Variants in USP18 observed in about 807,000 individuals in gnomAD.
The protein encoded by USP18 is ubiquitin specific peptidase 18.
USP18 carries 11 observed loss-of-function variants against 48.7 expected under a neutral mutation model. The ratio of observed to expected loss-of-function variants is 0.23; its 90% CI spans 0.14 to 0.37. The LOEUF (loss-of-function observed/expected upper bound fraction) is 0.37. Among genes scored for constraint, USP18 ranks in the 10% least tolerant of loss-of-function variants. USP18 has a pLI of 1.00. For missense variants in USP18, 285 were observed against 436.4 expected, an observed-to-expected ratio of 0.65 and a Z score of 3.09; for synonymous variants, 114 against 163.2, an observed-to-expected ratio of 0.70 and a Z score of 2.30.
At chr22:18,167,395 C>T (rs1929503029) in intron 5 of USP18, 61 bp downstream of exon 5, 6 of 1,591,722 alleles carry the variant, frequency 3.8e-6, no homozygotes, top group Non-Finnish European at 5.2e-6. Context: ...ACTCATTCAG[C>T]TGTTGTTCCC....
chr22:18,151,394 C>A (rs112146296), intron 1 of USP18, among the ~76,000 whole-genome samples: 148 of 152,258 alleles, frequency 9.7e-4, no homozygotes, highest in African/African-American at 3.5e-3. Context: ...AAAAGCATTT[C>A]ATCTGAAGTT....
At chr22:18,175,928 T>C (rs1158918701) in intron 10 of USP18, among the ~76,000 whole-genome samples, 6 of 148,106 alleles carry the variant, frequency 4.1e-5, no homozygotes, top group Non-Finnish European at 7.4e-5. Flanking sequence ...GAGGCTGTGG[T>C]GAGCTATTAT....
At chr22:18,168,182 G>A (rs570857135) in intron 6 of USP18, 146 bp downstream of exon 6, 18 of 1,367,880 alleles carry the variant, frequency 1.3e-5, no homozygotes, top group South Asian at 1.2e-4. Context: ...CCTGGTGAGG[G>A]CCTGCTTGCT....
chr22:18,173,179 G>A lies in USP18; in HGVS notation c.921G>A (p.Val307=). The part of the protein sequence containing the change: ...QSGGQYELFA[V]IAHVGMADSG... ...GAGGGCAGTATGAGCTTTTTGCTGT[G>A]ATTGCGCACGTGGGAATGGCAGACT... is the stretch of plus-strand genomic sequence containing the variant. The change falls in exon 9 of 11, where the codon GTG becomes GTA. Residue 307 remains valine, a synonymous_variant. Transcript: ENST00000215794. The A allele has an allele frequency of 1.9e-6, 3 of 1,607,840 alleles. No homozygotes were observed. Among genetic ancestry groups the A allele is most frequent in the Non-Finnish European group, 2.5e-6 (3 of 1,177,038 alleles).
intron 1 of USP18, among the ~76,000 whole-genome samples, chr22:18,155,924 T>A (rs1157557356): frequency 6.6e-6 from 1 of 152,250 alleles, no homozygotes; most frequent in Non-Finnish European, 1.5e-5. Flanking sequence ...AGGTGTGGGA[T>A]CCACTGGGTG....
At chr22:18,155,549 G>A (rs1306260264) in intron 1 of USP18, among the ~76,000 whole-genome samples, 3 of 152,224 alleles carry the variant, frequency 2.0e-5, no homozygotes, top group Non-Finnish European at 2.9e-5. Flanking sequence ...GGGAACTGGG[G>A]CTGCACGCGG....
chr22:18,157,266 G>A (rs1362090407), intron 1 of USP18, among the ~76,000 whole-genome samples: 1 of 152,252 alleles, frequency 6.6e-6, no homozygotes, highest in Non-Finnish European at 1.5e-5. Flanking sequence ...TTTTACTGAA[G>A]TGGGCCTGGT....
chr22:18,158,749 A>G (rs1455055273), intron 2 of USP18, among the ~76,000 whole-genome samples: 1 of 152,062 alleles, frequency 6.6e-6, no homozygotes, highest in East Asian at 1.9e-4. Flanking sequence ...CCCCAAAGTA[A>G]CCTTCTGATT....
chr22:18,160,217 C>T lies in USP18; in HGVS notation c.203C>T (p.Ser68Phe), dbSNP rs778647620. 1.9e-6 allele frequency: 3 copies of T among 1,614,078 alleles called. No individual in the cohort carries two copies. The highest frequency in any genetic ancestry group is 2.7e-5 in the African/African-American group (2 of 74,938). ...ATTGGACAGACCTGCTGCCTTAACT[C>T]CTTGATTCAGGTGTTCGTAATGAAT... is the stretch of plus-strand genomic sequence containing the variant. ...HNIGQTCCLN[S>F]LIQVFVMNVD... Residue 68 changes from serine to phenylalanine, a missense_variant, in exon 3 of 11, where the codon TCC becomes TTC. This residue lies in a region of USP18 where 199 missense variants were observed against 239.6 expected (regional missense o/e 0.83). Transcript: ENST00000215794.
chr22:18,157,563 C>A lies in USP18; in HGVS notation c.-101C>A. On this transcript the variant is annotated 5_prime_UTR_variant, in exon 2 of 11. Coordinates refer to ENST00000215794, the MANE Select transcript of USP18 (RefSeq NM_017414.4). ...CCCGCATTGTATTTTCACAGAGATTCCATCGTGCCTGGCTCACATAAGCGC... is the reference window on the plus strand; with the variant it reads ...CCCGCATTGTATTTTCACAGAGATTACATCGTGCCTGGCTCACATAAGCGC... 1 of 1,474,208 alleles carries A rather than the reference C, an allele frequency of 6.8e-7. No homozygotes were observed. The highest frequency in any genetic ancestry group is 1.3e-5 in the South Asian group (1 of 79,992). The allele number at this position is 1,474,208 out of a possible 1,614,324, so 91.3% of individuals were successfully genotyped here.
intron 10 of USP18, among the ~76,000 whole-genome samples, chr22:18,174,934 G>C (rs1257708227): frequency 6.6e-6 from 1 of 152,050 alleles, no homozygotes; most frequent in Non-Finnish European, 1.5e-5. Flanking sequence ...TTTGTTTTGA[G>C]ATGGAGTCTT....
chr22:18,175,504 AT>A (rs1929760380), intron 10 of USP18, among the ~76,000 whole-genome samples: 1 of 148,934 alleles, frequency 6.7e-6, no homozygotes, highest in African/African-American at 2.6e-5. Context: ...TTTCCCTGTT[AT>A]TGAGATCAGA....
rs1929289474 is a variant in USP18, at chr22:18,160,197, A to G, written c.183A>G (p.Gly61=). 2.5e-6 allele frequency: 4 copies of G among 1,614,170 alleles called. No individual in the cohort carries two copies. Among genetic ancestry groups the G allele is most frequent in the Non-Finnish European group, 3.4e-6 (4 of 1,180,022 alleles). Reference sequence around the variant, plus strand: ...GCCTGGTTGGTTTACACAACATTGGACAGACCTGCTGCCTTAACTCCTTGA... The same window carrying G: ...GCCTGGTTGGTTTACACAACATTGGGCAGACCTGCTGCCTTAACTCCTTGA... ...PHGLVGLHNI[G]QTCCLNSLIQ... Residue 61 remains glycine, a synonymous_variant, in exon 3 of 11, where the codon GGA becomes GGG. Coordinates refer to ENST00000215794, the MANE Select transcript of USP18 (RefSeq NM_017414.4).
At chr22:18,174,820 T>C (rs1929738602) in intron 10 of USP18, among the ~76,000 whole-genome samples, 1 of 152,242 alleles carries the variant, frequency 6.6e-6, no homozygotes, top group African/African-American at 2.4e-5. Context: ...TGTCTCAAAC[T>C]GCTGGGCTCA....
In USP18 at chr22:18,157,804, C is replaced by T. The variant is rs748459414; in HGVS notation, c.141C>T (p.Ala47=). 4 of 1,614,136 alleles carry T rather than the reference C, an allele frequency of 2.5e-6. No homozygotes were observed. Among genetic ancestry groups the T allele is most frequent in the Non-Finnish European group, 3.4e-6 (4 of 1,180,004 alleles). The change falls in exon 2 of 11, where the codon GCC becomes GCT. Residue 47 remains alanine, a synonymous_variant. Coordinates refer to ENST00000215794, the MANE Select transcript of USP18 (RefSeq NM_017414.4). ...AGCAGCCCAGAGAGCGTCCCAGGGC[C>T]TGGGACTACCCTCATGGTCATTAGA... ...KREQPRERPR[A]WDYPHGLVGL... is the part of the protein sequence containing the mutation.
chr22:18,153,061 T>G (rs1217499755), intron 1 of USP18, among the ~76,000 whole-genome samples: 1 of 152,196 alleles, frequency 6.6e-6, no homozygotes, highest in Non-Finnish European at 1.5e-5. Flanking sequence ...GAACAACTGT[T>G]TATAACTATT....
intron 8 of USP18, among the ~76,000 whole-genome samples, chr22:18,171,947 A>C (rs1428777249): frequency 6.6e-6 from 1 of 152,058 alleles, no homozygotes; most frequent in East Asian, 1.9e-4. Context: ...CTGCCCAATG[A>C]AGTGTATTTA....
At chr22:18,169,586 A>G (rs1929571012) in intron 6 of USP18, among the ~76,000 whole-genome samples, 1 of 152,004 alleles carries the variant, frequency 6.6e-6, no homozygotes, top group Admixed American at 6.5e-5. Flanking sequence ...CTCCCAGGTA[A>G]GACACCTGCT....
rs1602533274 is a variant in USP18 at position 18,173,155 on chromosome 22, A to G, written c.897A>G (p.Gly299=). 1.9e-6 allele frequency: 3 copies of G among 1,584,656 alleles called. No homozygotes were observed. The highest frequency in any genetic ancestry group is 2.6e-6 in the Non-Finnish European group (3 of 1,166,634). The change falls in exon 9 of 11, where the codon GGA becomes GGG. Residue 299 remains glycine (G), a synonymous_variant. Coordinates refer to ENST00000215794, the MANE Select transcript of USP18 (RefSeq NM_017414.4). The part of the protein sequence containing the change: ...RESCDAEEQS[G]GQYELFAVIA... ...TCGTGCCTGTCTCTTTCCAGTCTGG[A>G]GGGCAGTATGAGCTTTTTGCTGTGA...
Sources: gnomAD v4.1 joint callset for allele counts (sites outside exome capture counted in the v4.1 genomes callset) on GRCh38, gnomAD v4.1.1 for gene constraint, gnomAD v4.1.1 regional missense constraint, MANE v1.5 for transcripts, NCBI Gene and HGNC (gene_info 2026-07-23, HGNC 2026-07-21) for gene names.